TENM3: variants seen among roughly 807,000 people sequenced by gnomAD.
TENM3 encodes the protein teneurin transmembrane protein 3.
TENM3 carries 63 observed loss-of-function variants against 255.1 expected under a neutral mutation model. That is an observed-to-expected ratio of 0.25 (90% confidence interval 0.20 to 0.30). TENM3 has a LOEUF of 0.30. Ranked by LOEUF, TENM3 falls within the 10% of genes least tolerant of loss-of-function variation. The pLI, the probability that TENM3 is intolerant of heterozygous loss-of-function variation, is 1.00. For missense variants in TENM3, 2,929 were observed against 3,461.1 expected (o/e 0.85, Z 3.86); for synonymous variants, 1,306 against 1,322.3 (o/e 0.99, Z 0.27).
chr4:181,578,733 ATCC>A, the TENM3 span, among the ~76,000 whole-genome samples: 1 of 152,118 alleles, frequency 6.6e-6, no homozygotes, highest in Admixed American at 6.5e-5. Flanking sequence ...TCCCCTCTGC[ATCC>A]TCCTGTGGTC....
At chr4:182,584,210 A>T (rs1262025518) in intron 3 of TENM3, among the ~76,000 whole-genome samples, 3 of 152,220 alleles carry the variant, frequency 2.0e-5, no homozygotes, top group African/African-American at 7.2e-5. Flanking sequence ...TAAACGACAA[A>T]GGATGTAATT....
At chr4:181,669,403 G>A in the TENM3 span, among the ~76,000 whole-genome samples, 1 of 152,116 alleles carries the variant, frequency 6.6e-6, no homozygotes, top group Non-Finnish European at 1.5e-5. Context: ...TGGCTCCAGA[G>A]ACCATGTACT....
chr4:182,050,548 A>C, the TENM3 span, among the ~76,000 whole-genome samples: 1 of 152,224 alleles, frequency 6.6e-6, no homozygotes, highest in Non-Finnish European at 1.5e-5. Flanking sequence ...TCACACCTGT[A>C]ATCCCAGCAC....
the TENM3 span, among the ~76,000 whole-genome samples, chr4:181,526,663 G>A: frequency 1.4e-5 from 2 of 139,792 alleles, no homozygotes; most frequent in East Asian, 3.9e-4. Flanking sequence ...TGGTGGTAGT[G>A]ATGGTGGTGA....
At chr4:182,440,281 T>A (rs2124986) in intron 3 of TENM3, among the ~76,000 whole-genome samples, 2 of 151,742 alleles carry the variant, frequency 1.3e-5, no homozygotes, top group East Asian at 1.9e-4. Flanking sequence ...CCAGCTAATT[T>A]TTTTGTATTT....
At chr4:181,680,447 G>A in the TENM3 span, among the ~76,000 whole-genome samples, 12 of 152,090 alleles carry the variant, frequency 7.9e-5, no homozygotes, top group African/African-American at 2.9e-4. Context: ...AAATAAGCCA[G>A]TCAAACTACA....
At chr4:182,592,590 T>G (rs538914932) in intron 3 of TENM3, among the ~76,000 whole-genome samples, 1 of 152,302 alleles carries the variant, frequency 6.6e-6, no homozygotes, top group South Asian at 2.1e-4. Context: ...CTGGGCGTGT[T>G]GGCGCACGCC....
rs139109789 is a variant in TENM3, at chr4:182,777,422, G to A, written c.5304+2269G>A. ...GCTATGTGAACACATCCTTGCAAATGTTTGACTGCTATAAATCTAACACTA... is the reference window on the plus strand; with the variant it reads ...GCTATGTGAACACATCCTTGCAAATATTTGACTGCTATAAATCTAACACTA... On this transcript the variant is annotated intron_variant, in intron 24 of 27. Transcript: ENST00000511685. Among the ~76,000 whole-genome samples the A allele has an allele frequency of 5.4e-3, 814 of 151,344 alleles. 6 individuals are homozygous for A. Among genetic ancestry groups the A allele is most frequent in the Middle Eastern group, 0.014 (4 of 292 alleles).
At chr4:182,211,541 T>G (rs763941472) in intron 1 of TENM3, among the ~76,000 whole-genome samples, 1 of 152,182 alleles carries the variant, frequency 6.6e-6, no homozygotes, top group African/African-American at 2.4e-5. Context: ...GAAAATACAC[T>G]CCCAATGTTA....
At chr4:182,445,042 C>T (rs762945068) in intron 3 of TENM3, among the ~76,000 whole-genome samples, 190 of 152,266 alleles carry the variant, frequency 1.2e-3, no homozygotes, top group Non-Finnish European at 2.1e-3. Flanking sequence ...CTCCTGACCT[C>T]AGGTGATCCA....
chr4:181,724,257 T>C, the TENM3 span, among the ~76,000 whole-genome samples: 7 of 152,344 alleles, frequency 4.6e-5, no homozygotes, highest in Admixed American at 3.3e-4. Flanking sequence ...CATATGTATT[T>C]AAATCTGTTG....
At chr4:182,008,656 T>C in the TENM3 span, among the ~76,000 whole-genome samples, 1 of 152,038 alleles carries the variant, frequency 6.6e-6, no homozygotes, top group Non-Finnish European at 1.5e-5. Flanking sequence ...AGCTTCTTTG[T>C]ATTGGGTTGA....
At chr4:182,764,132 C>G (rs531174812) in intron 22 of TENM3, among the ~76,000 whole-genome samples, 1 of 152,232 alleles carries the variant, frequency 6.6e-6, no homozygotes, top group African/African-American at 2.4e-5. Context: ...CTTTTCCATG[C>G]TACATTGCAA....
At chr4:181,838,908 T>A in the TENM3 span, among the ~76,000 whole-genome samples, 1 of 151,856 alleles carries the variant, frequency 6.6e-6, no homozygotes, top group Admixed American at 6.6e-5. Context: ...GTTTCTCTCT[T>A]ATTTTGTTGT....
At chr4:181,693,687 G>A in the TENM3 span, among the ~76,000 whole-genome samples, 116,095 of 151,958 alleles carry the variant, frequency 0.76, 45,046 homozygotes, top group Admixed American at 0.87. Context: ...ACTCTGCCCT[G>A]GCTTCTGAGA....
chr4:181,923,793 A>G, the TENM3 span, among the ~76,000 whole-genome samples: 1 of 152,314 alleles, frequency 6.6e-6, no homozygotes, highest in East Asian at 1.9e-4. Context: ...ACCGCTTCCC[A>G]GGAGTTTCTT....
chr4:182,022,880 G>GT, the TENM3 span, among the ~76,000 whole-genome samples: 2 of 152,102 alleles, frequency 1.3e-5, no homozygotes, highest in African/African-American at 4.8e-5. Flanking sequence ...ACCCAAACCA[G>GT]TTTAAAAATT....
chr4:181,946,990 C>T, the TENM3 span, among the ~76,000 whole-genome samples: 1 of 152,296 alleles, frequency 6.6e-6, no homozygotes, highest in Admixed American at 6.5e-5. Flanking sequence ...ATGTAAATCA[C>T]TGACCGTGTT....
In TENM3 at chr4:182,754,996, C is replaced by T; in HGVS notation, c.4629C>T (p.Tyr1543=). ...GTTTAGTCACTGGTGATTACCTTTACAATTTTAGCTACAGCAATGACAATG... is the reference window on the plus strand; with the variant it reads ...GTTTAGTCACTGGTGATTACCTTTATAATTTTAGCTACAGCAATGACAATG... ...TVSLVTGDYL[Y]NFSYSNDNDI... The change falls in exon 22 of 28, where the codon TAC becomes TAT. Residue 1543 remains tyrosine (Y), a synonymous_variant. Coordinates refer to ENST00000511685, the MANE Select transcript of TENM3 (RefSeq NM_001080477.4). This position sits in a 1 kb window ranked among gnomAD's most constrained non-coding sequence, Gnocchi z 5.1. The T allele has an allele frequency of 6.2e-7, 1 of 1,613,996 alleles. No individual in the cohort carries two copies.
Sources: allele counts gnomAD v4.1 joint callset (sites outside exome capture counted in the v4.1 genomes callset), GRCh38; gene constraint gnomAD v4.1.1; non-coding constraint Gnocchi (gnomAD v3.1); transcripts MANE v1.5; gene names NCBI Gene and HGNC (gene_info 2026-07-23, HGNC 2026-07-21).